VGLL4: variants seen among roughly 807,000 people sequenced by gnomAD.
The protein encoded by VGLL4 is transcription cofactor vestigial-like protein 4.
VGLL4 carries 7 observed loss-of-function variants against 21.0 expected under a neutral mutation model. The ratio of observed to expected loss-of-function variants is 0.33; its 90% CI spans 0.19 to 0.63. The LOEUF is 0.63. Among genes scored for constraint, VGLL4 ranks in the 20% least tolerant of loss-of-function variants. The pLI is 0.78. For synonymous variants in VGLL4, 222 were observed against 173.2 expected, an observed-to-expected ratio of 1.28 and a Z score of -2.21; for missense variants, 394 against 425.7, an observed-to-expected ratio of 0.93 and a Z score of 0.66.
At chr3:11,579,433 T>C (rs576951299) in intron 2 of VGLL4, among the ~76,000 whole-genome samples, 2 of 152,316 alleles carry the variant, frequency 1.3e-5, no homozygotes, top group Admixed American at 1.3e-4. Flanking sequence ...TCTTTTAAAA[T>C]AGTCTCATTT....
At chr3:11,656,716 G>A (rs942552564) in intron 2 of VGLL4, among the ~76,000 whole-genome samples, 5 of 152,188 alleles carry the variant, frequency 3.3e-5, no homozygotes, top group Admixed American at 2.6e-4. Flanking sequence ...TAAGCACTGG[G>A]AGTCACTTCA....
intron 2 of VGLL4, among the ~76,000 whole-genome samples, chr3:11,649,244 T>C (rs895036157): frequency 2.0e-5 from 3 of 152,210 alleles, no homozygotes; most frequent in Admixed American, 1.3e-4. Context: ...AGTACTACAT[T>C]TGTTAACTGA....
chr3:11,599,917 C>T (rs1374710864), intron 2 of VGLL4, among the ~76,000 whole-genome samples: 1 of 151,914 alleles, frequency 6.6e-6, no homozygotes, highest in African/African-American at 2.4e-5. Context: ...ATTCTTAAGT[C>T]CTTACAATAA....
intron 2 of VGLL4, among the ~76,000 whole-genome samples, chr3:11,566,317 C>T (rs2073512239): frequency 6.6e-6 from 1 of 152,206 alleles, no homozygotes; most frequent in African/African-American, 2.4e-5. Context: ...CCATCCCATG[C>T]ACCCTTTACC....
intron 1 of VGLL4, among the ~76,000 whole-genome samples, chr3:11,609,998 G>GC (rs978831853): frequency 6.6e-6 from 1 of 152,106 alleles, no homozygotes; most frequent in Non-Finnish European, 1.5e-5. Flanking sequence ...TTTACGTTCA[G>GC]CCCCCCTCCC....
At chr3:11,659,891 G>A (rs1222717540) in intron 2 of VGLL4, among the ~76,000 whole-genome samples, 1 of 152,088 alleles carries the variant, frequency 6.6e-6, no homozygotes, top group Non-Finnish European at 1.5e-5. Flanking sequence ...GGCCGGGCGC[G>A]GTGGCTCACG....
At chr3:11,598,101 GC>G (rs2074691843) in intron 2 of VGLL4, among the ~76,000 whole-genome samples, 1 of 151,818 alleles carries the variant, frequency 6.6e-6, no homozygotes, top group African/African-American at 2.4e-5. Flanking sequence ...TCGGCTCACT[GC>G]AACCTCTGCC....
chr3:11,640,517 C>T (rs1038899359), intron 1 of VGLL4, among the ~76,000 whole-genome samples: 7 of 152,162 alleles, frequency 4.6e-5, no homozygotes, highest in Non-Finnish European at 1.0e-4. Context: ...TCTACTAATC[C>T]GCTCATCATT....
intron 2 of VGLL4, among the ~76,000 whole-genome samples, chr3:11,679,734 T>G (rs911602176): frequency 6.6e-6 from 1 of 152,112 alleles, no homozygotes; most frequent in Non-Finnish European, 1.5e-5. Context: ...AAAGAAAGTA[T>G]TTTTGTTCAG....
chr3:11,564,449 G>GC (rs1352483929), intron 3 of VGLL4, among the ~76,000 whole-genome samples: 1 of 152,014 alleles, frequency 6.6e-6, no homozygotes, highest in Non-Finnish European at 1.5e-5. Flanking sequence ...AGAGAATCAG[G>GC]CCTGCCACAG....
intron 2 of VGLL4, among the ~76,000 whole-genome samples, chr3:11,582,659 T>C (rs1412189246): frequency 6.6e-6 from 1 of 152,182 alleles, no homozygotes; most frequent in Non-Finnish European, 1.5e-5. Flanking sequence ...ACATAAGGCT[T>C]TTATAAAACT....
intron 1 of VGLL4, among the ~76,000 whole-genome samples, chr3:11,709,304 G>A (rs1444438915): frequency 6.6e-6 from 1 of 151,762 alleles, no homozygotes; most frequent in Non-Finnish European, 1.5e-5. Flanking sequence ...AGGCATGGTA[G>A]CAGGCACCTG....
chr3:11,646,250 CAT>C (rs775081408), upstream of VGLL4, among the ~76,000 whole-genome samples: 8 of 152,198 alleles, frequency 5.3e-5, no homozygotes, highest in Non-Finnish European at 8.8e-5. Flanking sequence ...ATCCAGTATA[CAT>C]GAGATCATTG....
chr3:11,574,033 C>T (rs760206586), intron 2 of VGLL4, among the ~76,000 whole-genome samples: 1 of 152,192 alleles, frequency 6.6e-6, no homozygotes, highest in Non-Finnish European at 1.5e-5. Context: ...CCACCAGCAG[C>T]TGAGAGAAAG....
At chr3:11,698,609 A>C (rs1298281681) in intron 2 of VGLL4, among the ~76,000 whole-genome samples, 3 of 152,164 alleles carry the variant, frequency 2.0e-5, no homozygotes, top group Admixed American at 1.3e-4. Flanking sequence ...CAGCAATCTC[A>C]AGTTGTATTT....
In VGLL4 at chr3:11,603,884, A is replaced by G. The variant is rs148870319; in HGVS notation, c.83-1862T>C. Among the ~76,000 whole-genome samples the G allele has an allele frequency of 3.3e-3, 505 of 152,246 alleles. 2 individuals are homozygous for G. Among genetic ancestry groups the G allele is most frequent in the Middle Eastern group, 6.8e-3 (2 of 294 alleles). On this transcript the variant is annotated intron_variant, in intron 1 of 4. Transcript: ENST00000430365. ...GCCGTCACTCATTCCACCAGCATACACTGTGACGCGGAAAGCAAAACCCTT... is the reference window on the plus strand; with the variant it reads ...GCCGTCACTCATTCCACCAGCATACGCTGTGACGCGGAAAGCAAAACCCTT...
At chr3:11,693,502 A>G (rs2076561827) in intron 2 of VGLL4, among the ~76,000 whole-genome samples, 1 of 152,138 alleles carries the variant, frequency 6.6e-6, no homozygotes, top group Non-Finnish European at 1.5e-5. Flanking sequence ...CCTCCCCATG[A>G]CACTCCCTTC....
rs1446721479 is a variant in VGLL4, at chr3:11,556,599, A to G, written c.*1957T>C. ...GCACTTTTACAGACAAATCTACGAC[A>G]AAAAAAAAGATCAACTTTTTTTTTC... is the stretch of plus-strand genomic sequence containing the variant. On this transcript the variant is annotated 3_prime_UTR_variant, in exon 5 of 5. Transcript: ENST00000430365. 6.6e-6 allele frequency: 1 copy of G among 151,826 alleles called. No homozygotes were observed. The highest frequency in any genetic ancestry group is 2.4e-5 in the African/African-American group (1 of 41,044). The allele number at this position is 151,826 out of a possible 1,614,324, so 9.4% of individuals were successfully genotyped here. A position where few individuals can be genotyped will look rare whatever the true frequency, so the allele number is the denominator to read the frequency against.
chr3:11,682,566 A>G (rs2076392227), intron 2 of VGLL4, among the ~76,000 whole-genome samples: 1 of 152,252 alleles, frequency 6.6e-6, no homozygotes, highest in Non-Finnish European at 1.5e-5. Flanking sequence ...TGACAGAGTG[A>G]GACTTTCTCC....
Sources: allele counts gnomAD v4.1 joint callset (sites outside exome capture counted in the v4.1 genomes callset), GRCh38; gene constraint gnomAD v4.1.1; transcripts MANE v1.5; gene names NCBI Gene and HGNC (gene_info 2026-07-23, HGNC 2026-07-21).